The following ANO10 variants were observed in gnomAD, a reference collection of about 807,000 sequenced individuals.
ANO10 encodes the protein anoctamin-10.
In ANO10, 77 loss-of-function variants were observed where a neutral mutation model predicts 74.7. The ratio of observed to expected loss-of-function variants is 1.03; its 90% CI spans 0.86 to 1.25. The LOEUF is 1.25. Ranked by LOEUF, ANO10 falls within the 50% of genes most tolerant of loss-of-function variation. The pLI, the probability that ANO10 is intolerant of heterozygous loss-of-function variation, is 0.00. For missense variants in ANO10, 721 were observed against 778.1 expected (o/e 0.93, Z 0.87); for synonymous variants, 279 against 284.9 (o/e 0.98, Z 0.21).
chr3:43,562,603 C>T (rs998311526), intron 8 of ANO10, among the ~76,000 whole-genome samples: 7 of 151,678 alleles, frequency 4.6e-5, no homozygotes, highest in African/African-American at 1.7e-4. Flanking sequence ...AACGCTTGAA[C>T]CTAGGAGGTA....
At chr3:43,523,758 T>A (rs2078062767) in intron 11 of ANO10, among the ~76,000 whole-genome samples, 1 of 152,108 alleles carries the variant, frequency 6.6e-6, no homozygotes, top group Non-Finnish European at 1.5e-5. Context: ...ACAATACACA[T>A]GTAGATGTCC....
intron 1 of ANO10, among the ~76,000 whole-genome samples, chr3:43,618,912 C>T (rs989576230): frequency 6.6e-6 from 1 of 152,296 alleles, no homozygotes; most frequent in Admixed American, 6.5e-5. Flanking sequence ...CGCCATTCTC[C>T]TGCCTCAGCC....
chr3:43,686,292 T>A (rs2084274052), intron 1 of ANO10, among the ~76,000 whole-genome samples: 1 of 152,134 alleles, frequency 6.6e-6, no homozygotes, highest in Non-Finnish European at 1.5e-5. Context: ...AAACTTTTAT[T>A]CTTTTTTTTT....
chr3:43,367,364 C>T (rs2091449538), intron 12 of ANO10, among the ~76,000 whole-genome samples: 1 of 152,202 alleles, frequency 6.6e-6, no homozygotes, highest in African/African-American at 2.4e-5. Context: ...TTTGACCTCA[C>T]TGAGCCGGAG....
chr3:43,580,729 C>T (rs565735406), intron 4 of ANO10, among the ~76,000 whole-genome samples: 12 of 152,102 alleles, frequency 7.9e-5, no homozygotes, highest in South Asian at 2.1e-4. Flanking sequence ...ATGAGAGGCC[C>T]GTTAGTCTCT....
chr3:43,560,229 A>G (rs1379083205), intron 9 of ANO10, among the ~76,000 whole-genome samples: 2 of 152,216 alleles, frequency 1.3e-5, no homozygotes, highest in Non-Finnish European at 2.9e-5. Context: ...CCAGATCTAT[A>G]AAATCCTCAT....
chr3:43,594,426 G>T (rs186249051), intron 4 of ANO10, among the ~76,000 whole-genome samples: 2 of 152,342 alleles, frequency 1.3e-5, no homozygotes, highest in East Asian at 3.9e-4. Context: ...AGACCACAGT[G>T]CAATCAAACT....
At chr3:43,384,276 A>C (rs1575619546) in intron 12 of ANO10, among the ~76,000 whole-genome samples, 1 of 152,218 alleles carries the variant, frequency 6.6e-6, no homozygotes, top group East Asian at 1.9e-4. Context: ...AAGAAATCAC[A>C]GATGACACAA....
intron 1 of ANO10, among the ~76,000 whole-genome samples, chr3:43,632,260 A>G (rs555319250): frequency 6.6e-6 from 1 of 151,994 alleles, no homozygotes; most frequent in Non-Finnish European, 1.5e-5. Flanking sequence ...GCCTCTATGG[A>G]TGTGTCAGTA....
At chr3:43,538,515 T>A (rs191764976) in intron 11 of ANO10, among the ~76,000 whole-genome samples, 17 of 152,286 alleles carry the variant, frequency 1.1e-4, no homozygotes, top group East Asian at 1.9e-4. Context: ...CAGGTTTTTT[T>A]AACAACAATT....
chr3:43,383,073 G>T (rs2092013697), intron 12 of ANO10, among the ~76,000 whole-genome samples: 1 of 152,244 alleles, frequency 6.6e-6, no homozygotes, highest in South Asian at 2.1e-4. Flanking sequence ...CATAAAAAAA[G>T]AAAACTACAG....
At chr3:43,646,724 G>A (rs2083730216) in intron 1 of ANO10, among the ~76,000 whole-genome samples, 1 of 152,062 alleles carries the variant, frequency 6.6e-6, no homozygotes, top group South Asian at 2.1e-4. Flanking sequence ...TGGCCAAGCT[G>A]GTCTTGAACT....
chr3:43,454,248 G>C (rs538347864), intron 11 of ANO10, among the ~76,000 whole-genome samples: 1 of 152,288 alleles, frequency 6.6e-6, no homozygotes, highest in African/African-American at 2.4e-5. Context: ...AACGTTGAGA[G>C]GAGTTGATGA....
At chr3:43,626,970 A>G (rs2083498436), upstream of ANO10, among the ~76,000 whole-genome samples, 1 of 131,580 alleles carries the variant, frequency 7.6e-6, no homozygotes, top group South Asian at 2.3e-4. Context: ...AACCACCTAC[A>G]ATAGCAGCCA....
chr3:43,647,722 A>G (rs2083742013), intron 1 of ANO10, among the ~76,000 whole-genome samples: 1 of 152,178 alleles, frequency 6.6e-6, no homozygotes, highest in South Asian at 2.1e-4. Context: ...CTTTTCAGCC[A>G]TATCCCCATG....
At chr3:43,638,255 T>C (rs1195058541) in intron 1 of ANO10, among the ~76,000 whole-genome samples, 1 of 152,176 alleles carries the variant, frequency 6.6e-6, no homozygotes, top group Non-Finnish European at 1.5e-5. Context: ...AAGTAAGAAA[T>C]AGATATTTTT....
chr3:43,404,320 A>G (rs1458353776), intron 12 of ANO10, among the ~76,000 whole-genome samples: 1 of 152,200 alleles, frequency 6.6e-6, no homozygotes, highest in Non-Finnish European at 1.5e-5. Flanking sequence ...GATAATAACC[A>G]GCAAGAAAAT....
chr3:43,665,086 T>C (rs1323619856), intron 1 of ANO10, among the ~76,000 whole-genome samples: 1 of 152,228 alleles, frequency 6.6e-6, no homozygotes, highest in African/African-American at 2.4e-5. Context: ...GTATGTTTAC[T>C]GTGGCACTAT....
chr3:43,399,882 G>C (rs1399061318), intron 12 of ANO10, among the ~76,000 whole-genome samples: 1 of 152,022 alleles, frequency 6.6e-6, no homozygotes, highest in African/African-American at 2.4e-5. Context: ...TAGTTCCAAA[G>C]CTCCTTCCCT....
Sources: gnomAD v4.1 joint callset for allele counts (sites outside exome capture counted in the v4.1 genomes callset) on GRCh38, gnomAD v4.1.1 for gene constraint, MANE v1.5 for transcripts, NCBI Gene and HGNC (gene_info 2026-07-23, HGNC 2026-07-21) for gene names.